The following EPB41L5 variants were observed in gnomAD, a reference collection of about 807,000 sequenced individuals.
EPB41L5 encodes the protein band 4.1-like protein 5.
In EPB41L5, 55 loss-of-function variants were observed where a neutral mutation model predicts 106.6. The ratio of observed to expected loss-of-function variants is 0.52; its 90% CI spans 0.42 to 0.65. EPB41L5 has a LOEUF of 0.65. EPB41L5 is among the 30% of genes least tolerant of loss of function. EPB41L5 has a pLI of 0.00. For missense variants in EPB41L5, 871 were observed against 882.1 expected, an observed-to-expected ratio of 0.99 and a Z score of 0.16; for synonymous variants, 297 against 306.7, an observed-to-expected ratio of 0.97 and a Z score of 0.33.
intron 16 of EPB41L5, chr2:120,101,744 G>A (rs1248710046): frequency 6.6e-6 from 1 of 152,032 alleles, no homozygotes; most frequent in Non-Finnish European, 1.5e-5. Flanking sequence ...CTGTTATTTT[G>A]GCTTAACTAA....
chr2:120,057,791 A>G (rs1680760455), intron 3 of EPB41L5, among the ~76,000 whole-genome samples: 1 of 152,000 alleles, frequency 6.6e-6, no homozygotes, highest in South Asian at 2.1e-4. Context: ...AAAGCCACCC[A>G]TGACAGGAGC....
chr2:120,045,108 C>T (rs556700003), intron 3 of EPB41L5, among the ~76,000 whole-genome samples: 1 of 152,172 alleles, frequency 6.6e-6, no homozygotes, highest in African/African-American at 2.4e-5. Context: ...ATAATTTCAC[C>T]CTCAGCATAT....
At chr2:120,051,098 G>A (rs374269084) in intron 3 of EPB41L5, among the ~76,000 whole-genome samples, 6 of 152,278 alleles carry the variant, frequency 3.9e-5, no homozygotes, top group Admixed American at 2.0e-4. Context: ...TAGGCTACTC[G>A]GGGGTCAGGG....
At chr2:120,157,360 A>C (rs982553625) in intron 20 of EPB41L5, among the ~76,000 whole-genome samples, 1 of 152,092 alleles carries the variant, frequency 6.6e-6, no homozygotes, top group African/African-American at 2.4e-5. Flanking sequence ...TTAACAACCT[A>C]ATATCACAAC....
chr2:120,063,853 A>G (rs1047261726), intron 3 of EPB41L5, among the ~76,000 whole-genome samples: 3 of 152,140 alleles, frequency 2.0e-5, no homozygotes, highest in Admixed American at 6.5e-5. Flanking sequence ...GAGGCAGGAG[A>G]ATCGCTTGAA....
At chr2:120,023,486 T>C (rs566078328) in intron 2 of EPB41L5, among the ~76,000 whole-genome samples, 22 of 152,060 alleles carry the variant, frequency 1.4e-4, no homozygotes, top group Non-Finnish European at 3.1e-4. Flanking sequence ...AAAGATCAGG[T>C]GGTTGTAGAT....
chr2:120,035,260 T>A (rs991467706), intron 2 of EPB41L5, among the ~76,000 whole-genome samples: 10 of 152,084 alleles, frequency 6.6e-5, no homozygotes, highest in Non-Finnish European at 1.2e-4. Context: ...TCTAAAAAAA[T>A]TTTTTTTAAA....
At chr2:120,155,424 C>T (rs543385042) in intron 20 of EPB41L5, among the ~76,000 whole-genome samples, 4 of 151,556 alleles carry the variant, frequency 2.6e-5, no homozygotes, top group South Asian at 2.1e-4. Context: ...TTGCAACTTT[C>T]GAGAATCTCT....
At chr2:120,077,421 A>G in intron 9 of EPB41L5, 105 bp downstream of exon 9, 2 of 778,740 alleles carry the variant, frequency 2.6e-6, no homozygotes, top group South Asian at 2.3e-5. Context: ...TGCATAAGCT[A>G]GCACTGGGTA....
chr2:120,068,413 G>C (rs1037707433), intron 3 of EPB41L5, among the ~76,000 whole-genome samples: 1 of 152,226 alleles, frequency 6.6e-6, no homozygotes, highest in South Asian at 2.1e-4. Context: ...GTCTAGCTCA[G>C]TGGATCTCAC....
At chr2:120,118,069 A>C (rs951113272) in intron 16 of EPB41L5, among the ~76,000 whole-genome samples, 1 of 152,192 alleles carries the variant, frequency 6.6e-6, no homozygotes, top group Non-Finnish European at 1.5e-5. Flanking sequence ...CTGGAATTTA[A>C]TAGAGTTTTC....
intron 20 of EPB41L5, among the ~76,000 whole-genome samples, chr2:120,152,449 G>A (rs1370236235): frequency 6.6e-6 from 1 of 152,094 alleles, no homozygotes; most frequent in Non-Finnish European, 1.5e-5. Context: ...ATATTCATCA[G>A]GGATATTGGT....
At chr2:120,032,250 C>T (rs1158234388) in intron 2 of EPB41L5, among the ~76,000 whole-genome samples, 2 of 151,922 alleles carry the variant, frequency 1.3e-5, no homozygotes, top group Non-Finnish European at 2.9e-5. Flanking sequence ...GCCTGGTGGG[C>T]GCCTGTAATC....
intron 3 of EPB41L5, among the ~76,000 whole-genome samples, chr2:120,069,965 G>A (rs975623731): frequency 6.6e-6 from 1 of 152,114 alleles, no homozygotes; most frequent in Admixed American, 6.6e-5. Context: ...TAACAACAGA[G>A]CAGAACTGAA....
intron 10 of EPB41L5, among the ~76,000 whole-genome samples, chr2:120,082,811 A>C (rs562776267): frequency 6.6e-6 from 1 of 152,148 alleles, no homozygotes; most frequent in Non-Finnish European, 1.5e-5. Flanking sequence ...CAGGGATTCA[A>C]CTGCTTCCTG....
chr2:120,058,994 G>A (rs1558834574), intron 3 of EPB41L5, among the ~76,000 whole-genome samples: 1 of 152,136 alleles, frequency 6.6e-6, no homozygotes. Flanking sequence ...TACTAGAATG[G>A]CTAAAGTAAT....
intron 2 of EPB41L5, among the ~76,000 whole-genome samples, chr2:120,031,328 G>A (rs1292233824): frequency 3.3e-5 from 5 of 152,202 alleles, no homozygotes; most frequent in Non-Finnish European, 7.3e-5. Flanking sequence ...TAGGCAGTGG[G>A]CAAGGTGAAC....
At chr2:120,031,592 T>C (rs1678713564) in intron 2 of EPB41L5, among the ~76,000 whole-genome samples, 1 of 152,216 alleles carries the variant, frequency 6.6e-6, no homozygotes, top group Non-Finnish European at 1.5e-5. Flanking sequence ...AACATTTTAT[T>C]TTTAATTTAT....
intron 20 of EPB41L5, among the ~76,000 whole-genome samples, chr2:120,156,013 G>A (rs1686885816): frequency 6.6e-6 from 1 of 152,186 alleles, no homozygotes; most frequent in Admixed American, 6.5e-5. Context: ...GCTTAGAGAA[G>A]TGGTGGGGCA....
Sources: gnomAD v4.1 joint callset for allele counts (sites outside exome capture counted in the v4.1 genomes callset) on GRCh38, gnomAD v4.1.1 for gene constraint, MANE v1.5 for transcripts, NCBI Gene and HGNC (gene_info 2026-07-23, HGNC 2026-07-21) for gene names.